The following PTPRN2 variants were observed in gnomAD, a reference collection of about 807,000 sequenced individuals.
PTPRN2 encodes the protein protein tyrosine phosphatase receptor type N2.
A neutral mutation model predicts 118.8 loss-of-function variants in PTPRN2; 74 were observed. The observed-to-expected ratio is 0.62, with a 90% CI of 0.52 to 0.76. The LOEUF (loss-of-function observed/expected upper bound fraction) is 0.76. Ranked by LOEUF, PTPRN2 falls within the 30% of genes least tolerant of loss-of-function variation. PTPRN2 has a pLI of 0.00. For missense variants in PTPRN2, 1,481 were observed against 1,394.4 expected (o/e 1.06, Z -0.99); for synonymous variants, 641 against 608.0 (o/e 1.05, Z -0.80).
At chr7:158,002,024 T>G (rs1311144559) in intron 11 of PTPRN2, among the ~76,000 whole-genome samples, 2 of 152,202 alleles carry the variant, frequency 1.3e-5, no homozygotes, top group African/African-American at 4.8e-5. Flanking sequence ...GATTCAGAAA[T>G]GGCACTTAGT....
At chr7:157,720,454 C>CT (rs1231006016) in intron 12 of PTPRN2, among the ~76,000 whole-genome samples, 3 of 152,256 alleles carry the variant, frequency 2.0e-5, no homozygotes, top group African/African-American at 7.2e-5. Context: ...AGGACAAAGC[C>CT]TTGTTGCACA....
chr7:157,991,489 C>T (rs78527248), intron 11 of PTPRN2, among the ~76,000 whole-genome samples: 10,257 of 152,316 alleles, frequency 0.067, 424 homozygotes, highest in South Asian at 0.18. Flanking sequence ...AGGAAACTCA[C>T]AGAGCCCTGG....
At chr7:157,717,909 A>G (rs1195888549) in intron 12 of PTPRN2, among the ~76,000 whole-genome samples, 1 of 152,200 alleles carries the variant, frequency 6.6e-6, no homozygotes, top group Non-Finnish European at 1.5e-5. Context: ...ATATGAAGCC[A>G]TTTTTCGGTA....
intron 12 of PTPRN2, among the ~76,000 whole-genome samples, chr7:157,702,456 G>A (rs945325886): frequency 1.3e-5 from 2 of 152,206 alleles, no homozygotes; most frequent in African/African-American, 2.4e-5. Context: ...CCTCAGAGAA[G>A]TAAGCTGAGG....
At chr7:158,364,510 A>C (rs28736756) in intron 2 of PTPRN2, among the ~76,000 whole-genome samples, 6,463 of 152,332 alleles carry the variant, frequency 0.042, 449 homozygotes, top group African/African-American at 0.15. Flanking sequence ...TTTTTTAAAG[A>C]TCTCCTAAGA....
chr7:158,312,117 G>A (rs1019661086), intron 3 of PTPRN2, among the ~76,000 whole-genome samples: 1 of 68,008 alleles, frequency 1.5e-5, no homozygotes, highest in Non-Finnish European at 3.0e-5. Context: ...GCCCACACAA[G>A]GCAAACACAC....
At chr7:157,731,868 T>C (rs376529740) in intron 12 of PTPRN2, among the ~76,000 whole-genome samples, 350 of 8,138 alleles carry the variant, frequency 0.043, 8 homozygotes, top group African/African-American at 0.055. Context: ...GCACAGTTAC[T>C]CTTTTCCGCC....
rs79838184 is a variant in PTPRN2 at position 158,536,975 on chromosome 7, G to A, written c.113-47190C>T. 1.9e-3 allele frequency among the ~76,000 whole-genome samples: 285 copies of A among 152,308 alleles called. 6 individuals are homozygous for A. Among genetic ancestry groups the A allele is most frequent in the East Asian group, 0.014 (72 of 5,184 alleles). On this transcript the variant is annotated intron_variant, in intron 1 of 22. Transcript: ENST00000389418. Reference sequence around the variant, plus strand: ...CCAAAACTCCTACGTGATGGTGTTAGGAGGGCCCTCTGGGACATGACTGGG... The same window carrying A: ...CCAAAACTCCTACGTGATGGTGTTAAGAGGGCCCTCTGGGACATGACTGGG...
intron 12 of PTPRN2, among the ~76,000 whole-genome samples, chr7:157,880,560 T>C (rs912276462): frequency 5.9e-5 from 9 of 152,192 alleles, no homozygotes; most frequent in Non-Finnish European, 1.2e-4. Context: ...ACCCGGCCCA[T>C]AGGCAGATGC....
intron 3 of PTPRN2, among the ~76,000 whole-genome samples, chr7:158,234,237 C>A (rs1307274693): frequency 6.6e-6 from 1 of 151,352 alleles, no homozygotes; most frequent in Non-Finnish European, 1.5e-5. Context: ...GGATTAATAA[C>A]CAGAATATAT....
intron 1 of PTPRN2, among the ~76,000 whole-genome samples, chr7:158,554,518 T>C (rs1371490237): frequency 6.6e-6 from 1 of 152,150 alleles, no homozygotes; most frequent in African/African-American, 2.4e-5. Context: ...TCTCTCTCTC[T>C]CCCATTATTT....
intron 21 of PTPRN2, among the ~76,000 whole-genome samples, chr7:157,567,130 C>T (rs1799525585): frequency 1.3e-5 from 2 of 152,062 alleles, no homozygotes; most frequent in Admixed American, 1.3e-4. Flanking sequence ...CTCTGAGCTC[C>T]AATAGCTGTA....
In PTPRN2 at chr7:157,617,250, CACG is replaced by C. The variant is rs1396180396; in HGVS notation, c.2344+4109_2344+4111del. On this transcript the variant is annotated intron_variant, in intron 15 of 22. Transcript: ENST00000389418. This position sits in a 1 kb window ranked among gnomAD's most constrained non-coding sequence, Gnocchi z 7.5. ...GCGCAGAGCACGGGGGACGCTGGCT[CACG>C]ATGCCCCAGTGATGCCGTGGTTAGG... The C allele has an allele frequency of 2.0e-5, 3 of 151,182 alleles. No individual in the cohort carries two copies. In the East Asian group the frequency reaches 5.9e-4, roughly 30 times the overall value. The allele number at this position is 151,182 out of a possible 1,614,324, so 9.4% of individuals were successfully genotyped here.
chr7:158,058,345 G>GCCCACGGTGATGCATCACTGCAGCCACA (rs1809985990), intron 11 of PTPRN2, among the ~76,000 whole-genome samples: 1 of 33,794 alleles, frequency 3.0e-5, no homozygotes, highest in Non-Finnish European at 5.5e-5. Flanking sequence ...CTACAGCCAC[G>GCCCACGGTGATGCATCACTGCAGCCACA]CTCCATCTGC....
chr7:158,408,765 G>A lies in PTPRN2; in HGVS notation c.163+80970C>T, dbSNP rs146725565. ...AGCCAGTGGGGTAGGAAGGAGAATC[G>A]GATCAAAAGTTCACATTTTGATCAA... On this transcript the variant is annotated intron_variant, in intron 2 of 22. Coordinates refer to ENST00000389418, the MANE Select transcript of PTPRN2 (RefSeq NM_002847.5). Among the ~76,000 whole-genome samples the A allele has an allele frequency of 1.8e-3, 268 of 152,140 alleles. 2 individuals are homozygous for A. The highest frequency in any genetic ancestry group is 5.3e-3 in the African/African-American group (219 of 41,490).
intron 21 of PTPRN2, among the ~76,000 whole-genome samples, chr7:157,559,268 T>G (rs935530476): frequency 1.2e-4 from 19 of 152,140 alleles, no homozygotes; most frequent in African/African-American, 4.3e-4. Flanking sequence ...ACCTGCTGCC[T>G]CTGGGGACAG....
intron 2 of PTPRN2, among the ~76,000 whole-genome samples, chr7:158,433,013 G>C (rs529429931): frequency 5.3e-5 from 8 of 152,190 alleles, no homozygotes; most frequent in Non-Finnish European, 7.3e-5. Flanking sequence ...CGTCAGCTTT[G>C]CCTGTTTGAA....
intron 10 of PTPRN2, among the ~76,000 whole-genome samples, chr7:158,087,460 G>T (rs1396666457): frequency 6.6e-6 from 1 of 152,262 alleles, no homozygotes; most frequent in Non-Finnish European, 1.5e-5. Context: ...CTGAGTCACT[G>T]TTCCTGGGAG....
intron 9 of PTPRN2, among the ~76,000 whole-genome samples, chr7:158,113,683 T>C (rs1816479289): frequency 6.6e-6 from 1 of 151,962 alleles, no homozygotes. Context: ...TTCTTGGGGG[T>C]TATGAATCCT....
Sources: allele counts gnomAD v4.1 joint callset (sites outside exome capture counted in the v4.1 genomes callset), GRCh38; gene constraint gnomAD v4.1.1; non-coding constraint Gnocchi (gnomAD v3.1); transcripts MANE v1.5; gene names NCBI Gene and HGNC (gene_info 2026-07-23, HGNC 2026-07-21).